CCDC85A: variants seen among roughly 807,000 people sequenced by gnomAD.
CCDC85A encodes coiled-coil domain containing 85A, also known as coiled-coil domain-containing protein 85A.
In CCDC85A, 38 loss-of-function variants were observed where a neutral mutation model predicts 50.2. That is an observed-to-expected ratio of 0.76 (90% CI 0.58 to 0.99). The LOEUF (loss-of-function observed/expected upper bound fraction) is 0.99, where lower values mean the gene tolerates loss of function less well. Among genes scored for constraint, CCDC85A ranks in the 50% least tolerant of loss-of-function variants. The pLI is 0.00. For synonymous variants in CCDC85A, 366 were observed against 301.4 expected, an observed-to-expected ratio of 1.21 and a Z score of -2.22; for missense variants, 820 against 742.0, an observed-to-expected ratio of 1.11 and a Z score of -1.22.
chr2:56,380,406 A>G (rs1390604192), intron 5 of CCDC85A, among the ~76,000 whole-genome samples: 1 of 152,104 alleles, frequency 6.6e-6, no homozygotes, highest in African/African-American at 2.4e-5. Context: ...AACCTAAAAG[A>G]TAGTTAGGCC....
chr2:56,288,620 G>C (rs113444062), intron 2 of CCDC85A, among the ~76,000 whole-genome samples: 2,738 of 152,122 alleles, frequency 0.018, 79 homozygotes, highest in African/African-American at 0.061. Context: ...GAGTTTAGTG[G>C]TGTATTTTCC....
At chr2:56,357,655 C>CTTTTTTTTTTTT (rs67738219) in intron 3 of CCDC85A, among the ~76,000 whole-genome samples, 2 of 114,600 alleles carry the variant, frequency 1.7e-5, no homozygotes, top group African/African-American at 3.4e-5. Flanking sequence ...TGTCCATTTC[C>CTTTTTTTTTTTT]TTTTTTTTTT....
intron 3 of CCDC85A, among the ~76,000 whole-genome samples, chr2:56,363,971 T>A (rs1416012447): frequency 1.3e-5 from 2 of 152,198 alleles, no homozygotes; most frequent in Non-Finnish European, 2.9e-5. Context: ...CCTTTTACTA[T>A]TTAATACCAG....
At chr2:56,224,609 C>T (rs539672279) in intron 2 of CCDC85A, among the ~76,000 whole-genome samples, 61 of 152,214 alleles carry the variant, frequency 4.0e-4, no homozygotes, top group African/African-American at 1.3e-3. Context: ...CACATCCTTG[C>T]CAATAGTTGC....
At chr2:56,304,902 AAAC>A (rs1672365150) in intron 2 of CCDC85A, among the ~76,000 whole-genome samples, 1 of 146,652 alleles carries the variant, frequency 6.8e-6, no homozygotes, top group African/African-American at 2.7e-5. Context: ...TAACTAAAAA[AAAC>A]AAAAAACAAA....
At chr2:56,320,022 C>G (rs759619406) in intron 2 of CCDC85A, among the ~76,000 whole-genome samples, 1 of 152,166 alleles carries the variant, frequency 6.6e-6, no homozygotes, top group Non-Finnish European at 1.5e-5. Context: ...ACTGGGCAAC[C>G]TGCTCCTGAA....
intron 2 of CCDC85A, among the ~76,000 whole-genome samples, chr2:56,200,901 G>A (rs72917057): frequency 0.032 from 4,814 of 151,536 alleles, 245 homozygotes; most frequent in African/African-American, 0.11. Flanking sequence ...TTCAATTACC[G>A]GATAAATGAA....
intron 3 of CCDC85A, among the ~76,000 whole-genome samples, chr2:56,352,947 C>A (rs1248869243): frequency 6.6e-6 from 1 of 152,122 alleles, no homozygotes; most frequent in Non-Finnish European, 1.5e-5. Flanking sequence ...CTCAGCTCTG[C>A]AAATTTATGA....
intron 5 of CCDC85A, among the ~76,000 whole-genome samples, chr2:56,380,589 C>G (rs1042479218): frequency 1.3e-5 from 2 of 149,848 alleles, no homozygotes; most frequent in Non-Finnish European, 3.0e-5. Flanking sequence ...ACAGGATAGA[C>G]AAATAGAAAT....
chr2:56,287,659 C>T (rs553730969), intron 2 of CCDC85A, among the ~76,000 whole-genome samples: 9 of 152,310 alleles, frequency 5.9e-5, no homozygotes, highest in African/African-American at 2.2e-4. Flanking sequence ...GTCAGATCTA[C>T]ACCAAACTCA....
intron 2 of CCDC85A, among the ~76,000 whole-genome samples, chr2:56,242,870 C>A (rs561110437): frequency 1.3e-5 from 2 of 151,954 alleles, no homozygotes; most frequent in Non-Finnish European, 2.9e-5. Flanking sequence ...CCTTCAATGT[C>A]TTCTGTTAGT....
At chr2:56,329,943 C>CTTTTTTTTTTTTTTTTTTTTTTTT (rs1336192523) in intron 2 of CCDC85A, among the ~76,000 whole-genome samples, 1 of 22,872 alleles carries the variant, frequency 4.4e-5, no homozygotes, top group African/African-American at 1.4e-4. Context: ...TACAGATTTC[C>CTTTTTTTTTTTTTTTTTTTTTTTT]TGTTTTTTTT....
intron 2 of CCDC85A, among the ~76,000 whole-genome samples, chr2:56,271,542 G>A (rs1401224778): frequency 6.6e-6 from 1 of 152,134 alleles, no homozygotes; most frequent in Non-Finnish European, 1.5e-5. Flanking sequence ...TGAGTTTTAG[G>A]ACAGAGATGC....
intron 2 of CCDC85A, among the ~76,000 whole-genome samples, chr2:56,315,899 A>G (rs1240452765): frequency 6.6e-6 from 1 of 152,114 alleles, no homozygotes; most frequent in Non-Finnish European, 1.5e-5. Context: ...CAGTAGGTGT[A>G]TAGGACCTGT....
In CCDC85A at chr2:56,342,944, A is replaced by G. The variant is rs992329143; in HGVS notation, c.1306A>G (p.Met436Val). ...RVRQLEEENR[M>V]LPQASQNRRQ... Reference sequence around the variant, plus strand: ...AAGACAGCTGGAGGAAGAAAATCGCATGCTGCCCCAGGTGGGTGACTTCCA... The same window carrying G: ...AAGACAGCTGGAGGAAGAAAATCGCGTGCTGCCCCAGGTGGGTGACTTCCA... The change falls in exon 3 of 6, where the codon ATG becomes GTG. Residue 436 changes from methionine (M) to valine (V), a missense_variant. Transcript: ENST00000407595. 21 of 1,593,574 alleles carry G rather than the reference A, an allele frequency of 1.3e-5. No homozygotes were observed. Among genetic ancestry groups the G allele is most frequent in the Non-Finnish European group, 1.7e-5 (20 of 1,168,984 alleles).
chr2:56,338,447 A>C (rs72916136), intron 2 of CCDC85A, among the ~76,000 whole-genome samples: 1 of 152,014 alleles, frequency 6.6e-6, no homozygotes, highest in African/African-American at 2.4e-5. Flanking sequence ...GTTGCAGCGG[A>C]TGTGGTCAAT....
intron 5 of CCDC85A, 91 bp from the exon 6 acceptor site, chr2:56,384,175 T>C: frequency 9.0e-7 from 1 of 1,109,400 alleles, no homozygotes; most frequent in Admixed American, 2.0e-5. Flanking sequence ...TTACTTCATC[T>C]TCGCTCCTCT....
chr2:56,274,092 C>G (rs1347244556), intron 2 of CCDC85A, among the ~76,000 whole-genome samples: 1 of 152,076 alleles, frequency 6.6e-6, no homozygotes, highest in African/African-American at 2.4e-5. Context: ...CTATGCTGTA[C>G]TAGTGAACTC....
In CCDC85A at chr2:56,343,006, T is replaced by C. The variant is rs373246391; in HGVS notation, c.1317+51T>C. Reference sequence around the variant, plus strand: ...CTAGTCAGTGCCATTTAAGTTGTAGTATTTTATTTGGAATTTAAAAGCTCA... The same window carrying C: ...CTAGTCAGTGCCATTTAAGTTGTAGCATTTTATTTGGAATTTAAAAGCTCA... On this transcript the variant is annotated intron_variant, in intron 3 of 5. Transcript: ENST00000407595. 135 of 1,257,800 alleles carry C rather than the reference T, an allele frequency of 1.1e-4. No individual in the cohort carries two copies. In the African/African-American group the frequency reaches 1.6e-3, roughly 15 times the overall value. The allele number at this position is 1,257,800 out of a possible 1,614,324, so 77.9% of individuals were successfully genotyped here. A position where few individuals can be genotyped will look rare whatever the true frequency, so the allele number is the denominator to read the frequency against.
Sources: gnomAD v4.1 joint callset for allele counts (sites outside exome capture counted in the v4.1 genomes callset) on GRCh38, gnomAD v4.1.1 for gene constraint, MANE v1.5 for transcripts, NCBI Gene and HGNC (gene_info 2026-07-23, HGNC 2026-07-21) for gene names.